The following PTPN4 variants were observed in gnomAD, a reference collection of about 807,000 sequenced individuals.
PTPN4 encodes the protein tyrosine-protein phosphatase non-receptor type 4.
A neutral mutation model predicts 135.5 loss-of-function variants in PTPN4; 49 were observed. The observed-to-expected ratio is 0.36, with a 90% CI of 0.29 to 0.46. PTPN4 has a LOEUF of 0.46. PTPN4 is among the 20% of genes least tolerant of loss of function. The pLI is 1.00. For synonymous variants in PTPN4, 333 were observed against 369.9 expected (o/e 0.90, Z 1.14); for missense variants, 860 against 1,101.0 (o/e 0.78, Z 3.10).
chr2:119,842,174 A>T (rs1036433783), intron 2 of PTPN4, among the ~76,000 whole-genome samples: 5 of 152,160 alleles, frequency 3.3e-5, no homozygotes, highest in African/African-American at 1.2e-4. Flanking sequence ...AAATGGTGGA[A>T]CTTTTGTTTT....
chr2:119,885,798 C>T lies in PTPN4; in HGVS notation c.591C>T (p.Gly197=), dbSNP rs1678147753. 4 of 1,585,704 alleles carry T rather than the reference C, an allele frequency of 2.5e-6. No individual in the cohort carries two copies. Among genetic ancestry groups the T allele is most frequent in the East Asian group, 2.3e-5 (1 of 44,388 alleles). ...EIAKLHQQHI[G]LSPAEAEFNY... ...TAACTTAATGATGTCTTTATAGAGGCTTATCTCCTGCAGAAGCAGAATTTA... is the reference window on the plus strand; with the variant it reads ...TAACTTAATGATGTCTTTATAGAGGTTTATCTCCTGCAGAAGCAGAATTTA... Residue 197 remains glycine (G), a synonymous_variant, in exon 9 of 27, where the codon GGC becomes GGT. Coordinates refer to ENST00000263708, the MANE Select transcript of PTPN4 (RefSeq NM_002830.4).
At chr2:119,772,646 T>C (rs1214378084) in intron 1 of PTPN4, among the ~76,000 whole-genome samples, 2 of 152,224 alleles carry the variant, frequency 1.3e-5, no homozygotes, top group Non-Finnish European at 2.9e-5. Flanking sequence ...CCAGTGATTC[T>C]CCTGCCTCAG....
chr2:119,885,855 C>G lies in PTPN4; in HGVS notation c.648C>G (p.Leu216=). The change falls in exon 9 of 27, where the codon CTC becomes CTG. Residue 216 remains leucine (L), a synonymous_variant. Transcript: ENST00000263708. The part of the protein sequence containing the change: ...NYLNTARTLE[L]YGVEFHYARD... Reference sequence around the variant, plus strand: ...TAAACACAGCACGTACCTTAGAACTCTATGGAGTTGAATTCCACTATGCAA... The same window carrying G: ...TAAACACAGCACGTACCTTAGAACTGTATGGAGTTGAATTCCACTATGCAA... The G allele has an allele frequency of 6.2e-7, 1 of 1,602,784 alleles. No homozygotes were observed. The highest frequency in any genetic ancestry group is 8.5e-7 in the Non-Finnish European group (1 of 1,175,946).
At chr2:119,836,369 T>C (rs1004043109) in intron 2 of PTPN4, among the ~76,000 whole-genome samples, 1 of 152,230 alleles carries the variant, frequency 6.6e-6, no homozygotes, top group African/African-American at 2.4e-5. Flanking sequence ...TCTTGTAGTT[T>C]AGGGTTGATG....
At chr2:119,906,425 A>G (rs1574398452) in intron 10 of PTPN4, among the ~76,000 whole-genome samples, 1 of 152,242 alleles carries the variant, frequency 6.6e-6, no homozygotes, top group South Asian at 2.1e-4. Flanking sequence ...AGCAAATTCA[A>G]TAATACGTGA....
intron 20 of PTPN4, among the ~76,000 whole-genome samples, chr2:119,956,480 A>G (rs1161107565): frequency 6.6e-6 from 1 of 152,140 alleles, no homozygotes; most frequent in Non-Finnish European, 1.5e-5. Flanking sequence ...AACATTTAGG[A>G]TATGTCTGTT....
intron 1 of PTPN4, among the ~76,000 whole-genome samples, chr2:119,771,292 C>T (rs1331158956): frequency 6.6e-6 from 1 of 152,084 alleles, no homozygotes; most frequent in Non-Finnish European, 1.5e-5. Flanking sequence ...GAAGAGCTGC[C>T]TAATCTAGCT....
chr2:119,760,581 G>A (rs989922916), intron 1 of PTPN4, among the ~76,000 whole-genome samples, 197 bp downstream of exon 1: 4 of 152,144 alleles, frequency 2.6e-5, no homozygotes, highest in East Asian at 3.9e-4. Flanking sequence ...TTCTTCCTGG[G>A]ACCTCTGCTT....
At chr2:119,858,808 A>AT (rs1028934542) in intron 2 of PTPN4, among the ~76,000 whole-genome samples, 3 of 151,382 alleles carry the variant, frequency 2.0e-5, no homozygotes, top group Non-Finnish European at 2.9e-5. Flanking sequence ...AATTTTTTAT[A>AT]TTTTTTTAGT....
intron 19 of PTPN4, among the ~76,000 whole-genome samples, chr2:119,953,974 T>C (rs933540141): frequency 5.3e-5 from 8 of 152,232 alleles, no homozygotes; most frequent in African/African-American, 1.9e-4. Flanking sequence ...AATTGTTTCA[T>C]AGTCAAAATA....
chr2:119,882,785 G>T (rs1375385851), intron 8 of PTPN4, among the ~76,000 whole-genome samples, 162 bp downstream of exon 8: 1 of 152,004 alleles, frequency 6.6e-6, no homozygotes, highest in East Asian at 1.9e-4. Flanking sequence ...GCTAAAAAAC[G>T]ATTTCATAGA....
rs1678096854 is a variant in PTPN4 at position 119,882,599 on chromosome 2, T to C, written c.563T>C (p.Ile188Thr). 2 of 1,553,930 alleles carry C rather than the reference T, an allele frequency of 1.3e-6. No individual in the cohort carries two copies. Among genetic ancestry groups the C allele is most frequent in the Non-Finnish European group, 8.8e-7 (1 of 1,140,332 alleles). ...CAACCTCAAGATTTTGAAAAAGAAA[T>C]TGCAAAATTACATCAGCAACACATG... Reference protein sequence around the residue: ...PNQPQDFEKEIAKLHQQHIGL... With the variant: ...PNQPQDFEKETAKLHQQHIGL... The change falls in exon 8 of 27, where the codon ATT becomes ACT. Residue 188 changes from isoleucine to threonine, a missense_variant. Ile to Thr is a moderately conservative substitution (Grantham distance 89). Coordinates refer to ENST00000263708, the MANE Select transcript of PTPN4 (RefSeq NM_002830.4).
At chr2:119,936,125 C>T (rs1373684339) in intron 15 of PTPN4, among the ~76,000 whole-genome samples, 2 of 152,178 alleles carry the variant, frequency 1.3e-5, no homozygotes, top group African/African-American at 2.4e-5. Flanking sequence ...GCCTCAACCT[C>T]CCGAGTAGCT....
rs549593160 is a variant in PTPN4 at position 119,907,404 on chromosome 2, A to G, written c.764+6598A>G. Among the ~76,000 whole-genome samples, 8 of 152,080 alleles carry G rather than the reference A, an allele frequency of 5.3e-5. No individual in the cohort carries two copies. The South Asian group carries it at 1.0e-3, about 20-fold the overall frequency. On this transcript the variant is annotated intron_variant, in intron 10 of 26. Coordinates refer to ENST00000263708, the MANE Select transcript of PTPN4 (RefSeq NM_002830.4). Reference sequence around the variant, plus strand: ...TGCTTGAGGCCAGGCATTTAATACCAGCCTACACAACATAGCAAGACCTCG... The same window carrying G: ...TGCTTGAGGCCAGGCATTTAATACCGGCCTACACAACATAGCAAGACCTCG...
intron 2 of PTPN4, among the ~76,000 whole-genome samples, chr2:119,860,249 T>C (rs909705258): frequency 6.6e-6 from 1 of 152,168 alleles, no homozygotes; most frequent in Admixed American, 6.5e-5. Context: ...GCGATTTAAA[T>C]GGGGGCCAAC....
chr2:119,889,587 A>T (rs751038489), intron 9 of PTPN4, among the ~76,000 whole-genome samples: 3 of 151,786 alleles, frequency 2.0e-5, no homozygotes, highest in African/African-American at 4.8e-5. Flanking sequence ...TGTTTCATTT[A>T]TCCATCATTT....
rs750238527 is a variant in PTPN4, at chr2:119,881,838, C to T, written c.413+8C>T. ...AGACATTCTTACTGGAAGGTGGGCTCTTTAAATTTCTTAAAAAATTTTTTG... is the reference window on the plus strand; with the variant it reads ...AGACATTCTTACTGGAAGGTGGGCTTTTTAAATTTCTTAAAAAATTTTTTG... On this transcript the variant is annotated splice_region_variant and intron_variant, in intron 6 of 26. Transcript: ENST00000263708. 1 of 1,538,182 alleles carries T rather than the reference C, an allele frequency of 6.5e-7. No individual in the cohort carries two copies. Among genetic ancestry groups the T allele is most frequent in the Non-Finnish European group, 8.9e-7 (1 of 1,125,672 alleles).
At chr2:119,973,421 A>G (rs904603430) in intron 26 of PTPN4, among the ~76,000 whole-genome samples, 2 of 152,076 alleles carry the variant, frequency 1.3e-5, no homozygotes, top group Admixed American at 6.5e-5. Flanking sequence ...CCTTTTGCCT[A>G]TTGTGAATAA....
chr2:119,935,148 C>T (rs1420853760), intron 15 of PTPN4, 190 bp downstream of exon 15: 3 of 620,380 alleles, frequency 4.8e-6, no homozygotes, highest in Non-Finnish European at 8.1e-6. Context: ...GACCCAGTCA[C>T]TATGTTGTTA....
Sources: gnomAD v4.1 joint callset for allele counts (sites outside exome capture counted in the v4.1 genomes callset) on GRCh38, gnomAD v4.1.1 for gene constraint, MANE v1.5 for transcripts, NCBI Gene and HGNC (gene_info 2026-07-23, HGNC 2026-07-21) for gene names.